Variants in OR11A1 observed in about 807,000 individuals in gnomAD.
The protein encoded by OR11A1 is olfactory receptor 11A1.
For missense variants in OR11A1, 380 were observed against 378.2 expected (o/e 1.00, Z -0.04); for synonymous variants, 158 against 152.2 (o/e 1.04, Z -0.28).
rs758713848 is a variant in OR11A1 at position 29,440,919 on chromosome 6, A to G, written c.-388-8932T>C. On this transcript the variant is annotated intron_variant, in intron 1 of 4. Transcript: ENST00000377149. ...CACAGAGGTCAAAGCTGCCCTAAAG[A>G]GAACCATCCAGAAAACGGTGCCTAT... 6.8e-6 allele frequency: 11 copies of G among 1,612,688 alleles called. No individual in the cohort carries two copies. Among genetic ancestry groups the G allele is most frequent in the Non-Finnish European group, 9.3e-6 (11 of 1,179,850 alleles).
chr6:29,455,924 T>C (rs1786127038), intron 1 of OR11A1, among the ~76,000 whole-genome samples: 1 of 111,956 alleles, frequency 8.9e-6, no homozygotes, highest in African/African-American at 3.0e-5. Context: ...AGCATATACA[T>C]ATACAACAAA....
intron 1 of OR11A1, chr6:29,440,375 C>A: frequency 1.2e-6 from 2 of 1,614,132 alleles, no homozygotes; most frequent in Non-Finnish European, 1.7e-6. Context: ...TGGCCTATGA[C>A]CGCTATGCAG....
intron 1 of OR11A1, among the ~76,000 whole-genome samples, chr6:29,435,572 A>G (rs1165789190): frequency 6.6e-6 from 1 of 152,208 alleles, no homozygotes; most frequent in Non-Finnish European, 1.5e-5. Context: ...GAATCCATAG[A>G]AACTTTAATA....
intron 1 of OR11A1, among the ~76,000 whole-genome samples, chr6:29,441,604 A>C (rs11961255): frequency 0.098 from 14,864 of 152,148 alleles, 1,348 homozygotes; most frequent in African/African-American, 0.24. Flanking sequence ...ATTTTTTTAA[A>C]TTTTATTTTA....
At chr6:29,440,182 C>G in intron 1 of OR11A1, 1 of 1,613,780 alleles carries the variant, frequency 6.2e-7, no homozygotes. Context: ...GCCCTCCAGT[C>G]CCCTATGTAC....
chr6:29,455,957 T>G (rs1341392136), intron 1 of OR11A1, among the ~76,000 whole-genome samples: 1 of 150,860 alleles, frequency 6.6e-6, no homozygotes, highest in African/African-American at 2.4e-5. Context: ...TTAGCCTGGC[T>G]TGGTGGCTTA....
intron 1 of OR11A1, chr6:29,439,974 T>G: frequency 6.6e-7 from 1 of 1,523,350 alleles, no homozygotes; most frequent in Non-Finnish European, 9.0e-7. Flanking sequence ...TGATTTTTCC[T>G]TGCCATTTCT....
intron 1 of OR11A1, among the ~76,000 whole-genome samples, chr6:29,436,217 T>C (rs1783617479): frequency 6.6e-6 from 1 of 152,228 alleles, no homozygotes; most frequent in Non-Finnish European, 1.5e-5. Context: ...CTCTGTCCTC[T>C]TGTTTCAGCT....
chr6:29,426,632 A>G lies in OR11A1; in HGVS notation c.*62T>C, dbSNP rs557482169. On this transcript the variant is annotated 3_prime_UTR_variant, in exon 5 of 5. Coordinates refer to ENST00000377149, the MANE Select transcript of OR11A1 (RefSeq NM_001394828.1). ...AGACAAAGTTACTCCTCTCCAACCC[A>G]TCCTGGAAGAGTCCCCAGTGGAGGT... 7.5e-7 allele frequency: 1 copy of G among 1,326,414 alleles called. No homozygotes were observed. The highest frequency in any genetic ancestry group is 1.9e-4 in the Middle Eastern group (1 of 5,264). 82.2% of individuals were successfully genotyped at this position (1,326,414 alleles called of 1,614,324 possible).
At chr6:29,432,851 C>A (rs1448349869) in intron 1 of OR11A1, among the ~76,000 whole-genome samples, 2 of 152,100 alleles carry the variant, frequency 1.3e-5, no homozygotes, top group Admixed American at 1.3e-4. Flanking sequence ...CAACCGAGAA[C>A]ACTTTTTCTC....
chr6:29,431,797 C>G (rs775839191), intron 2 of OR11A1, 67 bp downstream of exon 2: 2 of 899,518 alleles, frequency 2.2e-6, no homozygotes, highest in Non-Finnish European at 1.3e-6. Context: ...CTATAAAAAC[C>G]AGCCATTTAA....
intron 1 of OR11A1, among the ~76,000 whole-genome samples, chr6:29,441,839 G>T (rs545045836): frequency 6.6e-6 from 1 of 152,224 alleles, no homozygotes; most frequent in Non-Finnish European, 1.5e-5. Flanking sequence ...TATGGTATTT[G>T]GTTTTCTGTT....
chr6:29,431,525 C>T (rs1783229486), intron 2 of OR11A1, among the ~76,000 whole-genome samples: 1 of 152,128 alleles, frequency 6.6e-6, no homozygotes, highest in African/African-American at 2.4e-5. Context: ...TCGCTTCTTC[C>T]TACTCTGTAA....
Position 29,425,749 on chromosome 6 carries a change from T to G in OR11A1, c.*945A>C, listed in dbSNP as rs1244378753. 1 of 152,152 alleles carries G rather than the reference T, an allele frequency of 6.6e-6. No individual in the cohort carries two copies. Among genetic ancestry groups the G allele is most frequent in the African/African-American group, 2.4e-5 (1 of 41,450 alleles). The allele number at this position is 152,152 out of a possible 1,614,324, so 9.4% of individuals were successfully genotyped here. A position where few individuals can be genotyped will look rare whatever the true frequency, so the allele number is the denominator to read the frequency against. ...ATGGGGGTTCACTGTGCTCTTCTCT[T>G]TTATGTATGTTTGAAATGTTCTACA... On this transcript the variant is annotated 3_prime_UTR_variant, in exon 5 of 5. Transcript: ENST00000377149.
intron 1 of OR11A1, among the ~76,000 whole-genome samples, chr6:29,435,242 G>T (rs960327932): frequency 6.6e-5 from 10 of 152,214 alleles, no homozygotes; most frequent in Non-Finnish European, 1.3e-4. Flanking sequence ...AGCTCTCACA[G>T]AGCAGCAGCT....
chr6:29,443,494 TCATC>T (rs1277865080), intron 1 of OR11A1, among the ~76,000 whole-genome samples: 2 of 152,192 alleles, frequency 1.3e-5, no homozygotes, highest in African/African-American at 4.8e-5. Context: ...CATAATTTGT[TCATC>T]CATTCACCTG....
At chr6:29,440,767 A>G (rs1207311268) in intron 1 of OR11A1, 2 of 1,613,860 alleles carry the variant, frequency 1.2e-6, no homozygotes, top group Non-Finnish European at 8.5e-7. Context: ...TCCCTCTTCT[A>G]TGGCACCGCA....
chr6:29,448,020 T>TC (rs1219881316), intron 1 of OR11A1, among the ~76,000 whole-genome samples: 18 of 141,674 alleles, frequency 1.3e-4, no homozygotes, highest in African/African-American at 3.2e-4. Context: ...CTTTTTTTTT[T>TC]TTTTTTTTTT....
chr6:29,440,939 G>T (rs757743502), intron 1 of OR11A1: 5 of 1,609,028 alleles, frequency 3.1e-6, no homozygotes, highest in South Asian at 1.1e-5. Context: ...AGAAAACGGT[G>T]CCTATGGAGA....
Sources: allele counts gnomAD v4.1 joint callset (sites outside exome capture counted in the v4.1 genomes callset), GRCh38; gene constraint gnomAD v4.1.1; transcripts MANE v1.5; gene names NCBI Gene and HGNC (gene_info 2026-07-23, HGNC 2026-07-21).